CFAP46: variants seen among roughly 807,000 people sequenced by gnomAD.
The protein encoded by CFAP46 is cilia- and flagella-associated protein 46.
CFAP46 carries 245 observed loss-of-function variants against 325.7 expected under a neutral mutation model. That is an observed-to-expected ratio of 0.75 (90% confidence interval 0.68 to 0.84). CFAP46 has a LOEUF of 0.84. Among genes scored for constraint, CFAP46 ranks in the 40% least tolerant of loss-of-function variants. The pLI is 0.00. For synonymous variants in CFAP46, 1,523 were observed against 1,495.9 expected (o/e 1.02, Z -0.42); for missense variants, 3,346 against 3,543.0 (o/e 0.94, Z 1.41).
chr10:132,924,914 G>A, intron 10 of CFAP46, 28 bp from the exon 11 acceptor site: 1 of 1,363,140 alleles, frequency 7.3e-7, no homozygotes, highest in Non-Finnish European at 9.5e-7. Context: ...GGGATTCTAG[G>A]GAGGTTGCTG....
chr10:132,820,227 C>T (rs1266257041), intron 50 of CFAP46, among the ~76,000 whole-genome samples: 1 of 152,238 alleles, frequency 6.6e-6, no homozygotes, highest in Non-Finnish European at 1.5e-5. Flanking sequence ...ACCTTGAGGA[C>T]ATCACGCAAA....
chr10:132,924,972 GA>G, intron 10 of CFAP46, 86 bp from the exon 11 acceptor site: 1 of 1,134,500 alleles, frequency 8.8e-7, no homozygotes, highest in Non-Finnish European at 1.2e-6. Context: ...GGCACACTGA[GA>G]ACGCAGGCCC....
intron 34 of CFAP46, 42 bp from the exon 35 acceptor site, chr10:132,866,213 T>A (rs1399049855): frequency 1.4e-6 from 2 of 1,456,094 alleles, no homozygotes; most frequent in East Asian, 5.3e-5. Flanking sequence ...TCCTGACACT[T>A]GTGACCTCTG....
rs751958680 is a variant in CFAP46, at chr10:132,938,692, T to C, written c.433A>G (p.Lys145Glu). 1.2e-6 allele frequency: 2 copies of C among 1,613,636 alleles called. No homozygotes were observed. The highest frequency in any genetic ancestry group is 1.7e-4 in the Middle Eastern group (1 of 6,056). ...LYWQMVRPFL[K>E]PGYRHHLIPS... ...ATCAGATGGTGACGATATCCAGGCT[T>C]GAGGAACGGCCTCACCATCTGCCAG... is the stretch of plus-strand genomic sequence containing the variant. The change falls in exon 5 of 58, where the codon AAG becomes GAG. Residue 145 changes from lysine (K) to glutamate (E), a missense_variant. Lys to Glu is a moderately conservative substitution (Grantham distance 56). Coordinates refer to ENST00000368586, the MANE Select transcript of CFAP46 (RefSeq NM_001200049.3).
intron 25 of CFAP46, among the ~76,000 whole-genome samples, chr10:132,888,056 C>G (rs1420085399): frequency 2.8e-4 from 33 of 119,024 alleles, no homozygotes; most frequent in African/African-American, 1.5e-3. Context: ...CTCTCCCCTC[C>G]TCTCTCTCTC....
At chr10:132,837,953 G>A (rs558631573) in intron 44 of CFAP46, among the ~76,000 whole-genome samples, 4 of 151,606 alleles carry the variant, frequency 2.6e-5, no homozygotes, top group Non-Finnish European at 5.9e-5. Flanking sequence ...AGACACGCAC[G>A]TGTACACAGA....
chr10:132,821,647 A>G (rs1198811575), intron 50 of CFAP46, among the ~76,000 whole-genome samples: 1 of 61,822 alleles, frequency 1.6e-5, no homozygotes. Context: ...GTGCTGTGTG[A>G]GTGCTGATGT....
Position 132,814,244 on chromosome 10 carries a change from A to C in CFAP46, c.7296T>G (p.Thr2432=). Residue 2432 remains threonine (T), a synonymous_variant, in exon 54 of 58, where the codon ACT becomes ACG. Transcript: ENST00000368586. ...AAATGTCTTGGGTGATGGAGACAGGAGTTAGCATTTCTGCAAGGAGAACAG... is the reference window on the plus strand; with the variant it reads ...AAATGTCTTGGGTGATGGAGACAGGCGTTAGCATTTCTGCAAGGAGAACAG... ...YEEAQGPEML[T]PVSITQDILE... 6.2e-7 allele frequency: 1 copy of C among 1,613,126 alleles called. No homozygotes were observed. Among genetic ancestry groups the C allele is most frequent in the Non-Finnish European group, 8.5e-7 (1 of 1,179,320 alleles).
chr10:132,837,129 G>A, intron 44 of CFAP46: 2 of 497,132 alleles, frequency 4.0e-6, no homozygotes, highest in East Asian at 6.7e-5. Context: ...GTCACCGGCG[G>A]CCCCAAAATG....
chr10:132,864,380 T>A (rs866873791), intron 35 of CFAP46, among the ~76,000 whole-genome samples: 1 of 86,692 alleles, frequency 1.2e-5, no homozygotes, highest in African/African-American at 5.0e-5. Context: ...CCCCAGTGCC[T>A]GAGACCTGCA....
intron 11 of CFAP46, among the ~76,000 whole-genome samples, chr10:132,923,044 G>A (rs1467717596): frequency 2.0e-5 from 3 of 152,242 alleles, no homozygotes; most frequent in South Asian, 2.1e-4. Context: ...CACAGGCCAC[G>A]GCGGCAGGGG....
At position 132,887,241 on chromosome 10, in the gene CFAP46, TTCTCTCTCCTCTCTCGCTTC is replaced by T. The variant is rs1414802342; in HGVS notation, c.3305-1302_3305-1283del. ...CCTCTTCTCTCTCTCCTCTCCCCTC[TTCTCTCTCCTCTCTCGCTTC>T]TCTCTCTCCTCTCCTCTCTCCTCCC... On this transcript the variant is annotated intron_variant, in intron 25 of 57. Transcript: ENST00000368586. Among the ~76,000 whole-genome samples, 24 of 95,288 alleles carry T rather than the reference TTCTCTCTCCTCTCTCGCTTC, an allele frequency of 2.5e-4. 1 individual carries two copies. Among genetic ancestry groups the T allele is most frequent in the Non-Finnish European group, 3.8e-4 (20 of 53,034 alleles). 62.5% of individuals were successfully genotyped at this position (95,288 alleles called of 152,430 possible).
At chr10:132,867,246 C>T (rs536276365) in intron 34 of CFAP46, 129 bp downstream of exon 34, 1 of 1,064,472 alleles carries the variant, frequency 9.4e-7, no homozygotes, top group Non-Finnish European at 1.3e-6. Context: ...TGACACACAC[C>T]CAGGCCGGCC....
intron 23 of CFAP46, among the ~76,000 whole-genome samples, 152 bp downstream of exon 23, chr10:132,899,383 A>T (rs1019022754): frequency 1.3e-5 from 2 of 152,084 alleles, no homozygotes; most frequent in African/African-American, 4.8e-5. Flanking sequence ...CTCCCTGAAG[A>T]CTGTGCCCTG....
At chr10:132,935,680 C>T (rs1172845030) in intron 7 of CFAP46, among the ~76,000 whole-genome samples, 11 of 133,820 alleles carry the variant, frequency 8.2e-5, no homozygotes, top group African/African-American at 2.8e-4. Flanking sequence ...GATCTCCTCA[C>T]TCCCCTCACA....
intron 8 of CFAP46, among the ~76,000 whole-genome samples, chr10:132,934,034 T>A (rs548298691): frequency 6.6e-6 from 1 of 152,344 alleles, no homozygotes; most frequent in African/African-American, 2.4e-5. Flanking sequence ...GGTGAGGTCA[T>A]GGACCTGTGT....
intron 6 of CFAP46, 97 bp downstream of exon 6, chr10:132,937,455 T>C (rs778880539): frequency 6.8e-7 from 1 of 1,469,630 alleles, no homozygotes; most frequent in African/African-American, 1.4e-5. Flanking sequence ...GATTTTTATA[T>C]CTCTCAGCAA....
chr10:132,828,207 C>G lies in CFAP46; in HGVS notation c.7117+5151G>C, dbSNP rs953834499. Among the ~76,000 whole-genome samples, 1 of 152,250 alleles carries G rather than the reference C, an allele frequency of 6.6e-6. No individual in the cohort carries two copies. The highest frequency in any genetic ancestry group is 1.5e-5 in the Non-Finnish European group (1 of 68,052). ...TTCTGCGGGACGCGTGTCTCCTTATCTCTTTGGTAGATGGAGTGGAATGAC... is the reference window on the plus strand; with the variant it reads ...TTCTGCGGGACGCGTGTCTCCTTATGTCTTTGGTAGATGGAGTGGAATGAC... On this transcript the variant is annotated intron_variant, in intron 50 of 57. Coordinates refer to ENST00000368586, the MANE Select transcript of CFAP46 (RefSeq NM_001200049.3). This position sits in a 1 kb window ranked among gnomAD's most constrained non-coding sequence, Gnocchi z 4.9.
At chr10:132,879,711 A>T in intron 28 of CFAP46, 80 bp from the exon 29 acceptor site, 1 of 1,380,960 alleles carries the variant, frequency 7.2e-7, no homozygotes. Context: ...TCCCTGCCCG[A>T]GGCTGTGGTG....
Sources: gnomAD v4.1 joint callset for allele counts (sites outside exome capture counted in the v4.1 genomes callset) on GRCh38, gnomAD v4.1.1 for gene constraint, Gnocchi (gnomAD v3.1) non-coding constraint, MANE v1.5 for transcripts, NCBI Gene and HGNC (gene_info 2026-07-23, HGNC 2026-07-21) for gene names.